Variants in TOP6BL observed in about 807,000 individuals in gnomAD.
TOP6BL encodes the protein TOP6B like initiator of meiotic double strand breaks, also known as type 2 DNA topoisomerase 6 subunit B-like.
the TOP6BL span, among the ~76,000 whole-genome samples, chr11:66,767,346 A>G: frequency 2.2e-4 from 34 of 152,074 alleles, no homozygotes; most frequent in Admixed American, 2.2e-3. Flanking sequence ...AATGTCTTTT[A>G]GTGAAACATG....
chr11:66,785,747 A>T, the TOP6BL span, among the ~76,000 whole-genome samples: 1 of 152,200 alleles, frequency 6.6e-6, no homozygotes, highest in Non-Finnish European at 1.5e-5. Context: ...TGTAACCAAC[A>T]TTCAGGTAGA....
At chr11:66,834,169 T>C in the TOP6BL span, among the ~76,000 whole-genome samples, 9 of 152,232 alleles carry the variant, frequency 5.9e-5, no homozygotes, top group Non-Finnish European at 1.3e-4. Context: ...AATTAGGTCA[T>C]AGTTTTCCCA....
the TOP6BL span, among the ~76,000 whole-genome samples, chr11:66,789,205 A>G: frequency 6.6e-6 from 1 of 152,208 alleles, no homozygotes; most frequent in African/African-American, 2.4e-5. Context: ...GGATCTCCTA[A>G]TAAAGAAAAT....
the TOP6BL span, chr11:66,759,014 G>A: frequency 6.7e-7 from 1 of 1,497,970 alleles, no homozygotes; most frequent in South Asian, 1.3e-5. Flanking sequence ...ACTTATTTGT[G>A]ATATTTCTTT....
the TOP6BL span, among the ~76,000 whole-genome samples, chr11:66,751,840 C>T: frequency 1.8e-4 from 27 of 152,114 alleles, no homozygotes; most frequent in Non-Finnish European, 2.2e-4. Context: ...GATTACTTTT[C>T]TTTATAATTT....
the TOP6BL span, among the ~76,000 whole-genome samples, chr11:66,768,848 A>T: frequency 1.3e-5 from 2 of 152,174 alleles, no homozygotes; most frequent in Non-Finnish European, 2.9e-5. Context: ...TGGATAGATA[A>T]AACAGGAGGA....
the TOP6BL span, among the ~76,000 whole-genome samples, chr11:66,746,844 A>G: frequency 6.6e-6 from 1 of 151,846 alleles, no homozygotes; most frequent in South Asian, 2.1e-4. Context: ...CCATCACTGC[A>G]CTCCAGCCTG....
chr11:66,787,050 C>A, the TOP6BL span, among the ~76,000 whole-genome samples: 1 of 151,956 alleles, frequency 6.6e-6, no homozygotes, highest in East Asian at 1.9e-4. Context: ...TCTCCTGCCT[C>A]AGCCTCCTGA....
At chr11:66,842,912 G>T in the TOP6BL span, 1 of 1,568,242 alleles carries the variant, frequency 6.4e-7, no homozygotes, top group African/African-American at 1.4e-5. Flanking sequence ...GAGGAGATGC[G>T]AGCTCTGCGC....
the TOP6BL span, chr11:66,801,306 ACCTGAAGACATGTG>A: frequency 1.7e-6 from 1 of 586,500 alleles, no homozygotes. Context: ...ATTCTAAATG[ACCTGAAGACATGTG>A]CCTTCTTCTC....
the TOP6BL span, chr11:66,838,419 A>C: frequency 6.2e-7 from 1 of 1,613,922 alleles, no homozygotes. Context: ...GACGCACCTG[A>C]TAACAGCAGC....
the TOP6BL span, among the ~76,000 whole-genome samples, chr11:66,755,523 C>T: frequency 6.6e-6 from 1 of 152,052 alleles, no homozygotes; most frequent in Non-Finnish European, 1.5e-5. Flanking sequence ...ATTGAGGTTT[C>T]AGGAGGGAAT....
the TOP6BL span, among the ~76,000 whole-genome samples, chr11:66,780,185 G>T: frequency 1.3e-5 from 2 of 151,916 alleles, no homozygotes; most frequent in African/African-American, 4.8e-5. Flanking sequence ...ATTGGCAAAA[G>T]AATAGGTAAA....
chr11:66,761,325 T>C, the TOP6BL span, among the ~76,000 whole-genome samples: 2 of 151,344 alleles, frequency 1.3e-5, no homozygotes, highest in African/African-American at 4.9e-5. Context: ...GAGCCGAGAT[T>C]GCGCCACTGC....
the TOP6BL span, among the ~76,000 whole-genome samples, chr11:66,794,112 TA>T: frequency 0.011 from 1,218 of 110,494 alleles, 18 homozygotes; most frequent in African/African-American, 0.034. Context: ...ACCCTGTTTC[TA>T]AAAAAAAAAA....
chr11:66,813,585 TAGTC>T, the TOP6BL span, among the ~76,000 whole-genome samples: 1 of 151,898 alleles, frequency 6.6e-6, no homozygotes, highest in Admixed American at 6.6e-5. Flanking sequence ...ATACAAAAAT[TAGTC>T]AGGCATAGTG....
At chr11:66,780,850 G>A in the TOP6BL span, among the ~76,000 whole-genome samples, 12 of 152,244 alleles carry the variant, frequency 7.9e-5, no homozygotes, top group African/African-American at 2.9e-4. Context: ...CCAAAGTGCT[G>A]GGATTATAGG....
At chr11:66,777,069 A>G in the TOP6BL span, among the ~76,000 whole-genome samples, 5 of 149,924 alleles carry the variant, frequency 3.3e-5, no homozygotes, top group Non-Finnish European at 7.4e-5. Flanking sequence ...ATATCTATAT[A>G]TCTATATCTA....
chr11:66,788,944 G>A, the TOP6BL span, among the ~76,000 whole-genome samples: 2 of 152,222 alleles, frequency 1.3e-5, no homozygotes, highest in African/African-American at 4.8e-5. Flanking sequence ...TTTTTATAAG[G>A]ACACCAGTCC....
Sources: allele counts gnomAD v4.1 joint callset (sites outside exome capture counted in the v4.1 genomes callset), GRCh38; gene constraint gnomAD v4.1.1; transcripts MANE v1.5; gene names NCBI Gene and HGNC (gene_info 2026-07-23, HGNC 2026-07-21).